PLXNA4: variants seen among roughly 807,000 people sequenced by gnomAD.
PLXNA4 encodes plexin-A4.
PLXNA4 carries 44 observed loss-of-function variants against 191.8 expected under a neutral mutation model. The ratio of observed to expected loss-of-function variants is 0.23; its 90% confidence interval spans 0.18 to 0.29. The LOEUF is 0.29. PLXNA4 is among the 10% of genes least tolerant of loss of function. The probability of loss-of-function intolerance (pLI) is 1.00; values close to 1 mark genes in which losing one functional copy is unlikely to be tolerated. For missense variants in PLXNA4, 1,800 were observed against 2,488.8 expected, an observed-to-expected ratio of 0.72 and a Z score of 5.89; for synonymous variants, 1,082 against 1,009.5, an observed-to-expected ratio of 1.07 and a Z score of -1.36.
intron 9 of PLXNA4, among the ~76,000 whole-genome samples, chr7:132,213,110 C>G (rs1007797486): frequency 6.6e-6 from 1 of 152,188 alleles, no homozygotes; most frequent in East Asian, 1.9e-4. Context: ...CATGGATGAA[C>G]CTTGGGGACA....
At chr7:132,502,755 A>T (rs1407354839) in intron 2 of PLXNA4, among the ~76,000 whole-genome samples, 1 of 152,146 alleles carries the variant, frequency 6.6e-6, no homozygotes, top group Non-Finnish European at 1.5e-5. Context: ...TCAACTGCAG[A>T]GGATGCCTGC....
At position 132,127,774 on chromosome 7, in the gene PLXNA4, G is replaced by A. The variant is rs1364430715; in HGVS notation, c.*2705C>T. ...AGAAATGGGGACAGCCAGAAAATTT[G>A]TCTGTCCTTGTCTCCTCTTTCTTCC... On this transcript the variant is annotated 3_prime_UTR_variant, in exon 32 of 32. Coordinates refer to ENST00000321063, the MANE Select transcript of PLXNA4 (RefSeq NM_020911.2). The A allele has an allele frequency of 6.6e-6, 1 of 151,190 alleles. No individual in the cohort carries two copies. The highest frequency in any genetic ancestry group is 1.5e-5 in the Non-Finnish European group (1 of 67,990). 9.4% of individuals were successfully genotyped at this position (151,190 alleles called of 1,614,324 possible). A position where few individuals can be genotyped will look rare whatever the true frequency, so the allele number is the denominator to read the frequency against.
chr7:132,591,405 A>T (rs2116826869), intron 2 of PLXNA4, among the ~76,000 whole-genome samples: 1 of 152,306 alleles, frequency 6.6e-6, no homozygotes, highest in East Asian at 1.9e-4. Context: ...AAGAGCACAA[A>T]TTGCCAGAGT....
chr7:132,456,111 CTTTTT>C (rs548680891), intron 3 of PLXNA4, among the ~76,000 whole-genome samples: 1 of 129,066 alleles, frequency 7.7e-6, no homozygotes, highest in African/African-American at 3.1e-5. Context: ...CTCCTCTGTT[CTTTTT>C]TTTTTTTTTT....
intron 1 of PLXNA4, among the ~76,000 whole-genome samples, chr7:132,515,694 T>G (rs562116842): frequency 6.6e-6 from 1 of 152,334 alleles, no homozygotes; most frequent in African/African-American, 2.4e-5. Context: ...GCTGAGCATT[T>G]GCCTTAGGAG....
intron 2 of PLXNA4, among the ~76,000 whole-genome samples, chr7:132,624,055 G>A (rs1426559713): frequency 6.6e-6 from 1 of 152,174 alleles, no homozygotes; most frequent in African/African-American, 2.4e-5. Context: ...CCCTTATATT[G>A]TCTCATTCAA....
Position 132,431,446 on chromosome 7 carries a change from G to A in PLXNA4, c.1371+57846C>T, listed in dbSNP as rs567792762. Among the ~76,000 whole-genome samples, 58 of 152,300 alleles carry A rather than the reference G, an allele frequency of 3.8e-4. No homozygotes were observed. In the South Asian group the frequency reaches 0.011, roughly 29 times the overall value. ...AACAACCAGAAATGTGCAGTCCCAT[G>A]TGGGGACCTTTGTCAGGCAAGTCAA... On this transcript the variant is annotated intron_variant, in intron 3 of 31. Transcript: ENST00000321063.
intron 21 of PLXNA4, among the ~76,000 whole-genome samples, chr7:132,172,287 G>A (rs1796310095): frequency 6.6e-6 from 1 of 152,236 alleles, no homozygotes; most frequent in Admixed American, 6.5e-5. Context: ...ATGATAGACT[G>A]AAATTGGGAG....
chr7:132,191,699 C>T (rs1797091908), intron 14 of PLXNA4, among the ~76,000 whole-genome samples: 1 of 151,666 alleles, frequency 6.6e-6, no homozygotes, highest in East Asian at 1.9e-4. Context: ...ACTTTGGCTG[C>T]CAGGAAATTT....
intron 4 of PLXNA4, among the ~76,000 whole-genome samples, chr7:132,284,972 C>T (rs531427846): frequency 6.6e-6 from 1 of 152,206 alleles, no homozygotes; most frequent in African/African-American, 2.4e-5. Flanking sequence ...ACCTCAGCCT[C>T]CCAAAGTGCT....
At chr7:132,549,839 G>C (rs895863687) in intron 1 of PLXNA4, among the ~76,000 whole-genome samples, 1 of 152,184 alleles carries the variant, frequency 6.6e-6, no homozygotes. Flanking sequence ...AATGACTTTA[G>C]AATGCTCAGC....
intron 3 of PLXNA4, among the ~76,000 whole-genome samples, chr7:132,307,639 G>A (rs922216428): frequency 1.3e-5 from 2 of 152,080 alleles, no homozygotes; most frequent in South Asian, 4.1e-4. Flanking sequence ...AGCCAGGCCC[G>A]CGTGGCCGGT....
intron 2 of PLXNA4, among the ~76,000 whole-genome samples, chr7:132,496,602 A>G (rs1451842234): frequency 2.0e-5 from 3 of 152,070 alleles, no homozygotes; most frequent in Non-Finnish European, 4.4e-5. Flanking sequence ...GGGTTTCACT[A>G]TGTTGGCCAG....
intron 8 of PLXNA4, among the ~76,000 whole-genome samples, chr7:132,223,873 C>T (rs183527400): frequency 6.6e-6 from 1 of 152,250 alleles, no homozygotes; most frequent in East Asian, 1.9e-4. Flanking sequence ...CCCGTTCCCC[C>T]AAGGCCAAAT....
chr7:132,579,775 C>T (rs189849581), upstream of PLXNA4, among the ~76,000 whole-genome samples: 6,037 of 152,196 alleles, frequency 0.04, 278 homozygotes, highest in African/African-American at 0.11. Flanking sequence ...TGCCTTTCCC[C>T]GGTTGCCTTC....
intron 10 of PLXNA4, among the ~76,000 whole-genome samples, chr7:132,209,469 G>A (rs1342493450): frequency 1.3e-5 from 2 of 152,180 alleles, no homozygotes; most frequent in African/African-American, 4.8e-5. Flanking sequence ...GAAACAGGAG[G>A]TGTTTCATAT....
chr7:132,457,721 AAG>A (rs1796361590), intron 3 of PLXNA4, among the ~76,000 whole-genome samples: 1 of 152,208 alleles, frequency 6.6e-6, no homozygotes, highest in Admixed American at 6.5e-5. Flanking sequence ...GTATTCTTTT[AAG>A]AGAGACACTT....
chr7:132,577,408 C>A, upstream of PLXNA4: 1 of 150,898 alleles, frequency 6.6e-6, no homozygotes, highest in South Asian at 2.0e-4. Flanking sequence ...CCCTTCCTCC[C>A]TCCCTCGCCT....
At chr7:132,512,753 A>C (rs566985402) in intron 1 of PLXNA4, among the ~76,000 whole-genome samples, 1 of 152,196 alleles carries the variant, frequency 6.6e-6, no homozygotes, top group Non-Finnish European at 1.5e-5. Context: ...AATCTGGCAA[A>C]GCAAGAGTTT....
Sources: allele counts gnomAD v4.1 joint callset (sites outside exome capture counted in the v4.1 genomes callset), GRCh38; gene constraint gnomAD v4.1.1; transcripts MANE v1.5; gene names NCBI Gene and HGNC (gene_info 2026-07-23, HGNC 2026-07-21).